SLC30A2: variants seen among roughly 807,000 people sequenced by gnomAD.
SLC30A2 encodes solute carrier family 30 member 2, also known as proton-coupled zinc antiporter SLC30A2.
A neutral mutation model predicts 39.6 loss-of-function variants in SLC30A2; 19 were observed. The ratio of observed to expected loss-of-function variants is 0.48; its 90% CI spans 0.34 to 0.70. The LOEUF (loss-of-function observed/expected upper bound fraction) is 0.70, where lower values mean the gene tolerates loss of function less well. Ranked by LOEUF, SLC30A2 falls within the 30% of genes least tolerant of loss-of-function variation. The probability of loss-of-function intolerance (pLI) is 0.01; values close to 1 mark genes in which losing one functional copy is unlikely to be tolerated. For missense variants in SLC30A2, 387 were observed against 479.4 expected, an observed-to-expected ratio of 0.81 and a Z score of 1.80; for synonymous variants, 195 against 194.8, an observed-to-expected ratio of 1.00 and a Z score of -0.01.
Position 26,039,180 on chromosome 1 carries a change from A to T in SLC30A2, c.1099T>A (p.Cys367Ser). 6.2e-7 allele frequency: 1 copy of T among 1,614,046 alleles called. No individual in the cohort carries two copies. Among genetic ancestry groups the T allele is most frequent in the Non-Finnish European group, 8.5e-7 (1 of 1,179,900 alleles). The change falls in exon 8 of 8, where the codon TGC (cysteine) becomes AGC (serine). Residue 367 changes from cysteine (C) to serine (S), a missense_variant. Cys to Ser is a moderately radical substitution (Grantham distance 112). Transcript: ENST00000374276. This position sits in a 1 kb window ranked among gnomAD's most constrained non-coding sequence, Gnocchi z 4.3. ...YSEDMKDCQA[C>S]QGPSD ...AGCAGTCAGTCTGAGGGGCCCTGGC[A>T]TGCCTGACAGTCCTTCATGTCCTCC...
intron 6 of SLC30A2, among the ~76,000 whole-genome samples, chr1:26,040,976 G>A (rs1430263389): frequency 6.6e-6 from 1 of 151,526 alleles, no homozygotes; most frequent in Non-Finnish European, 1.5e-5. Flanking sequence ...ATGCGCCTGT[G>A]GTCCCAGCTA....
In SLC30A2 at chr1:26,039,291, C is replaced by T. The variant is rs149723161; in HGVS notation, c.988G>A (p.Ala330Thr). Residue 330 changes from alanine (A) to threonine (T), a missense_variant, in exon 8 of 8, where the codon GCC becomes ACC. By Grantham distance (58) the Ala-to-Thr change is moderately conservative. Coordinates refer to ENST00000374276, the MANE Select transcript of SLC30A2 (RefSeq NM_001004434.3). This position sits in a 1 kb window ranked among gnomAD's most constrained non-coding sequence, Gnocchi z 4.3. ...CTGGCTGTCTTCAGCACAGCCTGGG[C>T]GTCTGTATTCTGAGCTGGGGGCCGA... is the stretch of plus-strand genomic sequence containing the variant. Reference protein sequence around the residue: ...VHIAIAQNTDAQAVLKTASSR... With the variant: ...VHIAIAQNTDTQAVLKTASSR... 6.3e-5 allele frequency: 102 copies of T among 1,613,528 alleles called. No individual in the cohort carries two copies. The African/African-American group carries it at 9.7e-4, about 15-fold the overall frequency.
intron 3 of SLC30A2, among the ~76,000 whole-genome samples, chr1:26,044,070 C>T (rs1464064850): frequency 6.6e-6 from 1 of 152,192 alleles, no homozygotes; most frequent in Non-Finnish European, 1.5e-5. Context: ...AACTTTGCTT[C>T]CCTGCAGACT....
In SLC30A2 at chr1:26,039,465, C is replaced by A. The variant is rs946101865; in HGVS notation, c.974-160G>T. Among the ~76,000 whole-genome samples the A allele has an allele frequency of 2.0e-5, 3 of 152,232 alleles. No individual in the cohort carries two copies. Among genetic ancestry groups the A allele is most frequent in the Non-Finnish European group, 4.4e-5 (3 of 68,040 alleles). Reference sequence around the variant, plus strand: ...ATTCCTCTGCCAGGTAGCCTCCCAGCCCAGACCTGGCTCATGCCTGAAAGA... The same window carrying A: ...ATTCCTCTGCCAGGTAGCCTCCCAGACCAGACCTGGCTCATGCCTGAAAGA... On this transcript the variant is annotated intron_variant, in intron 7 of 7. Coordinates refer to ENST00000374276, the MANE Select transcript of SLC30A2 (RefSeq NM_001004434.3). This position sits in a 1 kb window ranked among gnomAD's most constrained non-coding sequence, Gnocchi z 4.3.
Position 26,046,099 on chromosome 1 carries a change from G to A in SLC30A2, c.-203C>T. On this transcript the variant is annotated 5_prime_UTR_variant, in exon 1 of 8. Coordinates refer to ENST00000374276, the MANE Select transcript of SLC30A2 (RefSeq NM_001004434.3). The surrounding 1 kb of genome is among the most constrained non-coding windows in gnomAD (Gnocchi z 4.4). ...CTCCGGCTCTGGCTCCGCGTGCCAA[G>A]CGCTCCCGTGTCTCGGGTCAGCCGC... 2 of 1,302,556 alleles carry A rather than the reference G, an allele frequency of 1.5e-6. No homozygotes were observed. The highest frequency in any genetic ancestry group is 1.9e-6 in the Non-Finnish European group (2 of 1,031,496). The allele number at this position is 1,302,556 out of a possible 1,614,324, so 80.7% of individuals were successfully genotyped here.
rs77114771 is a variant in SLC30A2 at position 26,039,070 on chromosome 1, G to C, written c.*90C>G. The stretch of plus-strand genomic sequence containing the variant: ...GGGACCTGGTTTACAACACAGCTGG[G>C]GTAGGCAAAGTCCTGGCTGGGCCTG... On this transcript the variant is annotated 3_prime_UTR_variant, in exon 8 of 8. Coordinates refer to ENST00000374276, the MANE Select transcript of SLC30A2 (RefSeq NM_001004434.3). The surrounding 1 kb of genome is among the most constrained non-coding windows in gnomAD (Gnocchi z 4.3). The C allele has an allele frequency of 4.4e-3, 6,750 of 1,548,000 alleles. 245 individuals carry two copies. The African/African-American group carries it at 0.076, about 17-fold the overall frequency.
intron 6 of SLC30A2, among the ~76,000 whole-genome samples, chr1:26,040,923 C>CG (rs1041800537): frequency 2.6e-5 from 4 of 151,286 alleles, no homozygotes; most frequent in African/African-American, 9.7e-5. Context: ...GAGACCCCCC[C>CG]CCCATCTCTA....
chr1:26,043,285 C>T, intron 4 of SLC30A2, 113 bp downstream of exon 4: 1 of 1,166,252 alleles, frequency 8.6e-7, no homozygotes, highest in South Asian at 1.4e-5. Flanking sequence ...GAAGTTCTGT[C>T]CCTGTAGCGT....
chr1:26,043,615 C>T, intron 3 of SLC30A2, 64 bp from the exon 4 acceptor site: 2 of 1,529,608 alleles, frequency 1.3e-6, no homozygotes, highest in Non-Finnish European at 8.9e-7. Context: ...AGTCTTCCCC[C>T]TTCCTTCAGG....
chr1:26,044,221 A>G, intron 3 of SLC30A2, 77 bp downstream of exon 3: 8 of 1,503,540 alleles, frequency 5.3e-6, no homozygotes, highest in Non-Finnish European at 5.5e-6. Context: ...GGATCCACCC[A>G]TTACAGCCAC....
At chr1:26,042,750 A>T (rs370748504) in intron 4 of SLC30A2, 42 bp from the exon 5 acceptor site, 181 of 1,592,770 alleles carry the variant, frequency 1.1e-4, no homozygotes, top group Non-Finnish European at 1.5e-4. Context: ...CTGAGGTCGC[A>T]GATGGAGGTC....
Position 26,043,386 on chromosome 1 carries a change from G to T in SLC30A2, c.572+12C>A, listed in dbSNP as rs775342014. The T allele has an allele frequency of 1.2e-6, 2 of 1,610,888 alleles. No homozygotes were observed. The highest frequency in any genetic ancestry group is 3.3e-5 in the Admixed American group (2 of 59,800). On this transcript the variant is annotated intron_variant, in intron 4 of 7. Coordinates refer to ENST00000374276, the MANE Select transcript of SLC30A2 (RefSeq NM_001004434.3). Reference sequence around the variant, plus strand: ...GAGGAGGGGAGACGAGGGAAACTGGGGCCCCACTCACATGATGTTCACAGC... The same window carrying T: ...GAGGAGGGGAGACGAGGGAAACTGGTGCCCCACTCACATGATGTTCACAGC...
Position 26,039,410 on chromosome 1 carries a change from A to G in SLC30A2, c.974-105T>C. 1.2e-6 allele frequency: 1 copy of G among 857,418 alleles called. No individual in the cohort carries two copies. Among genetic ancestry groups the G allele is most frequent in the Non-Finnish European group, 1.8e-6 (1 of 551,520 alleles). 53.1% of individuals were successfully genotyped at this position (857,418 alleles called of 1,614,324 possible). ...CATCCCCAGCAGAACAGGATGGGGG[A>G]CCATGAACATGGAGAAGCCCCCAGA... is the stretch of plus-strand genomic sequence containing the variant. On this transcript the variant is annotated intron_variant, in intron 7 of 7. Transcript: ENST00000374276. The surrounding 1 kb of genome is among the most constrained non-coding windows in gnomAD (Gnocchi z 4.3).
At chr1:26,045,504 T>C (rs2050451338) in intron 1 of SLC30A2, 1 of 590,144 alleles carries the variant, frequency 1.7e-6, no homozygotes, top group African/African-American at 1.9e-5. Context: ...GCGCAGGCTC[T>C]GGGAGAACAG....
Position 26,039,628 on chromosome 1 carries a change from A to G in SLC30A2, c.973+149T>C, listed in dbSNP as rs1053882740. On this transcript the variant is annotated intron_variant, in intron 7 of 7. Coordinates refer to ENST00000374276, the MANE Select transcript of SLC30A2 (RefSeq NM_001004434.3). The surrounding 1 kb of genome is among the most constrained non-coding windows in gnomAD (Gnocchi z 4.3). ...GGATAAATGAGATTGTGCTGATCAG[A>G]TGGAATAATGCGTATCAAGTACTCA... 1.3e-6 allele frequency: 1 copy of G among 793,472 alleles called. No homozygotes were observed. The highest frequency in any genetic ancestry group is 1.9e-5 in the South Asian group (1 of 53,754). 49.2% of individuals were successfully genotyped at this position (793,472 alleles called of 1,614,324 possible). A position where few individuals can be genotyped will look rare whatever the true frequency, so the allele number is the denominator to read the frequency against.
chr1:26,046,004 C>T lies in SLC30A2; in HGVS notation c.-108G>A. On this transcript the variant is annotated 5_prime_UTR_variant, in exon 1 of 8. Transcript: ENST00000374276. The surrounding 1 kb of genome is among the most constrained non-coding windows in gnomAD (Gnocchi z 4.4). Reference sequence around the variant, plus strand: ...GCTCACCCACCTGCCCCGAGGGCCCCGCGAGGTGCGCTCACTCCGGCCCGG... The same window carrying T: ...GCTCACCCACCTGCCCCGAGGGCCCTGCGAGGTGCGCTCACTCCGGCCCGG... 2 of 1,475,944 alleles carry T rather than the reference C, an allele frequency of 1.4e-6. No homozygotes were observed. Among genetic ancestry groups the T allele is most frequent in the Admixed American group, 2.3e-5 (1 of 42,790 alleles). The allele number at this position is 1,475,944 out of a possible 1,614,324, so 91.4% of individuals were successfully genotyped here.
chr1:26,042,267 G>T (rs551934648), intron 5 of SLC30A2, among the ~76,000 whole-genome samples: 1 of 152,228 alleles, frequency 6.6e-6, no homozygotes, highest in Admixed American at 6.5e-5. Context: ...ACACACAGTC[G>T]TAGGCTTGAA....
chr1:26,042,662 T>C lies in SLC30A2; in HGVS notation c.619A>G (p.Thr207Ala), dbSNP rs767194713. 8 of 1,614,038 alleles carry C rather than the reference T, an allele frequency of 5.0e-6. No individual in the cohort carries two copies. The Admixed American group carries it at 1.3e-4, about 27-fold the overall frequency. ...GGGTTCTCCTCCTGCTGGTTGGTGG[T>C]GCCGTGGCTGTGCCCATGGCCAGAC... ...HQSGHGHSHG[T>A]TNQQEENPSV... is the part of the protein sequence containing the mutation. Residue 207 changes from threonine to alanine, a missense_variant, in exon 5 of 8, where the codon ACC (threonine) becomes GCC (alanine). Thr to Ala is a moderately conservative substitution (Grantham distance 58). Coordinates refer to ENST00000374276, the MANE Select transcript of SLC30A2 (RefSeq NM_001004434.3).
intron 6 of SLC30A2, among the ~76,000 whole-genome samples, chr1:26,041,377 G>A (rs2050395368): frequency 6.6e-6 from 1 of 152,208 alleles, no homozygotes; most frequent in Non-Finnish European, 1.5e-5. Flanking sequence ...GCCTGGGGAA[G>A]TGTATAGGGG....
Sources: allele counts gnomAD v4.1 joint callset (sites outside exome capture counted in the v4.1 genomes callset), GRCh38; gene constraint gnomAD v4.1.1; non-coding constraint Gnocchi (gnomAD v3.1); transcripts MANE v1.5; gene names NCBI Gene and HGNC (gene_info 2026-07-23, HGNC 2026-07-21).